CPA3: variants seen among roughly 807,000 people sequenced by gnomAD.
CPA3 encodes the protein carboxypeptidase A3.
A neutral mutation model predicts 55.8 loss-of-function variants in CPA3; 52 were observed. The observed-to-expected ratio is 0.93, with a 90% CI of 0.75 to 1.17. CPA3 has a LOEUF of 1.17. Ranked by LOEUF, CPA3 falls within the 50% of genes most tolerant of loss-of-function variation. The probability of loss-of-function intolerance (pLI) is 0.00; values close to 1 mark genes in which losing one functional copy is unlikely to be tolerated. For synonymous variants in CPA3, 179 were observed against 171.2 expected (o/e 1.05, Z -0.36); for missense variants, 547 against 509.1 (o/e 1.07, Z -0.72).
chr3:148,878,694 C>A lies in CPA3; in HGVS notation c.420C>A (p.Val140=). The change falls in exon 5 of 11, where the codon GTC becomes GTA. Residue 140 remains valine (V), a synonymous_variant. Coordinates refer to ENST00000296046, the MANE Select transcript of CPA3 (RefSeq NM_001870.4). ...EKMMDKYPEM[V]SRIKIGSTVE... is the part of the protein sequence containing the mutation. ...TGATGGATAAGTATCCTGAAATGGT[C>A]TCTCGTATTAAAATTGGATCTACTG... 7 of 1,612,186 alleles carry A rather than the reference C, an allele frequency of 4.3e-6. No individual in the cohort carries two copies. Among genetic ancestry groups the A allele is most frequent in the Non-Finnish European group, 5.9e-6 (7 of 1,178,910 alleles).
intron 10 of CPA3, among the ~76,000 whole-genome samples, chr3:148,888,883 A>G (rs1442754346): frequency 6.6e-6 from 1 of 152,228 alleles, no homozygotes; most frequent in Non-Finnish European, 1.5e-5. Flanking sequence ...GCTTTCAGAG[A>G]TAAATGAGAG....
At chr3:148,886,210 TC>T (rs1336409777) in intron 10 of CPA3, 33 bp downstream of exon 10, 1 of 1,433,374 alleles carries the variant, frequency 7.0e-7, no homozygotes, top group Non-Finnish European at 9.6e-7. Context: ...TGAGCCCTTT[TC>T]CCTAATTATT....
intron 2 of CPA3, 130 bp downstream of exon 2, chr3:148,865,678 A>G: frequency 1.2e-6 from 1 of 844,950 alleles, no homozygotes; most frequent in Non-Finnish European, 1.8e-6. Flanking sequence ...AGCTATCTGG[A>G]TAATTCAGCC....
In CPA3 at chr3:148,896,525, A is replaced by C; in HGVS notation, c.1072A>C (p.Ile358Leu). ...YGPIESTIYP[I>L]SGSSLDWAYD... ...TTACTGCTTGTGTTTTACAGACCCG[A>C]TATCAGGTTCTTCTTTAGACTGGGC... The change falls in exon 11 of 11, where the codon ATA (isoleucine) becomes CTA (leucine). Residue 358 changes from isoleucine (I) to leucine (L), a missense_variant. Transcript: ENST00000296046. The C allele has an allele frequency of 6.6e-7, 1 of 1,511,252 alleles. No individual in the cohort carries two copies. The highest frequency in any genetic ancestry group is 1.4e-5 in the African/African-American group (1 of 73,522). 93.6% of individuals were successfully genotyped at this position (1,511,252 alleles called of 1,614,324 possible).
intron 3 of CPA3, among the ~76,000 whole-genome samples, chr3:148,874,283 T>C (rs1425986467): frequency 6.6e-6 from 1 of 152,188 alleles, no homozygotes; most frequent in African/African-American, 2.4e-5. Flanking sequence ...TATTCTTAGA[T>C]ACAAGCTTCC....
intron 2 of CPA3, among the ~76,000 whole-genome samples, chr3:148,866,173 T>C (rs1016810805): frequency 2.0e-5 from 3 of 152,188 alleles, no homozygotes; most frequent in African/African-American, 7.2e-5. Flanking sequence ...AGAGCTAAAG[T>C]GCAAAGACAA....
In CPA3 at chr3:148,875,418, C is replaced by T. The variant is rs149989834; in HGVS notation, c.270-3023C>T. 1.2e-3 allele frequency among the ~76,000 whole-genome samples: 178 copies of T among 152,150 alleles called. 1 individual carries two copies. Among genetic ancestry groups the T allele is most frequent in the African/African-American group, 4.0e-3 (164 of 41,514 alleles). The stretch of plus-strand genomic sequence containing the variant: ...TTTCCATTATAACGATAATTTTCTG[C>T]CCTACAAAATAGAGTATATTGAATA... On this transcript the variant is annotated intron_variant, in intron 3 of 10. Coordinates refer to ENST00000296046, the MANE Select transcript of CPA3 (RefSeq NM_001870.4).
chr3:148,877,419 G>A (rs370932428), intron 3 of CPA3, among the ~76,000 whole-genome samples: 1 of 150,906 alleles, frequency 6.6e-6, no homozygotes, highest in Non-Finnish European at 1.5e-5. Flanking sequence ...ACTTGAACCC[G>A]GGAGGTGGAG....
intron 10 of CPA3, among the ~76,000 whole-genome samples, chr3:148,887,890 G>A (rs965970250): frequency 6.6e-6 from 1 of 152,098 alleles, no homozygotes; most frequent in African/African-American, 2.4e-5. Flanking sequence ...ATGGTGTCCT[G>A]GCTTATTCAA....
intron 2 of CPA3, among the ~76,000 whole-genome samples, chr3:148,867,445 A>G (rs537162949): frequency 6.6e-6 from 1 of 152,204 alleles, no homozygotes; most frequent in African/African-American, 2.4e-5. Context: ...TTCACATCTC[A>G]TAAGTCCCTT....
chr3:148,886,369 T>C (rs6784595), intron 10 of CPA3, among the ~76,000 whole-genome samples, 192 bp downstream of exon 10: 2,494 of 152,300 alleles, frequency 0.016, 27 homozygotes, highest in Middle Eastern at 0.044. Flanking sequence ...GATAAGATTT[T>C]TCTAGAAACA....
In CPA3 at chr3:148,868,919, A is replaced by T; in HGVS notation, c.149A>T (p.Asp50Val). 2 of 1,613,590 alleles carry T rather than the reference A, an allele frequency of 1.2e-6. 1 individual carries two copies. Among genetic ancestry groups the T allele is most frequent in the South Asian group, 2.2e-5 (2 of 91,006 alleles). ...ACATTGAGCTTATCTCTGCAGCTTG[A>T]CTTCTGGTATCCAGGTGCCACCCAC... ...IKDLAKTNEL[D>V]FWYPGATHHV... Residue 50 changes from aspartate (D) to valine (V), a missense_variant, in exon 3 of 11, where the codon GAC (aspartate) becomes GTC (valine). Transcript: ENST00000296046.
In CPA3 at chr3:148,865,488, C is replaced by T. The variant is rs140527015; in HGVS notation, c.84C>T (p.Arg28=). ...PVRFDREKVF[R]VKPQDEKQAD... ...CTCCACAAAGGGAGAAGGTGTTCCG[C>T]GTGAAGCCCCAGGATGAAAAACAAG... Residue 28 remains arginine, a synonymous_variant, in exon 2 of 11, where the codon CGC becomes CGT. Coordinates refer to ENST00000296046, the MANE Select transcript of CPA3 (RefSeq NM_001870.4). The T allele has an allele frequency of 4.4e-5, 71 of 1,613,626 alleles. No homozygotes were observed. The highest frequency in any genetic ancestry group is 6.7e-5 in the Admixed American group (4 of 59,968).
chr3:148,865,599 G>A (rs1314283339), intron 2 of CPA3, 51 bp downstream of exon 2: 1 of 1,496,792 alleles, frequency 6.7e-7, no homozygotes, highest in African/African-American at 1.4e-5. Context: ...TCTAAAAGAT[G>A]CTTCTTCTTA....
At chr3:148,885,984 T>G (rs1416417536) in intron 9 of CPA3, 109 bp from the exon 10 acceptor site, 3 of 741,212 alleles carry the variant, frequency 4.0e-6, no homozygotes, top group Non-Finnish European at 7.1e-6. Flanking sequence ...ATAAGCACAG[T>G]GCCTAACCTG....
chr3:148,888,620 A>G (rs1313419403), intron 10 of CPA3, among the ~76,000 whole-genome samples: 2 of 152,272 alleles, frequency 1.3e-5, no homozygotes, highest in Non-Finnish European at 2.9e-5. Flanking sequence ...TAGCAGGGCC[A>G]GATTGGCCAC....
At chr3:148,888,782 T>A (rs1470112796) in intron 10 of CPA3, among the ~76,000 whole-genome samples, 1 of 152,210 alleles carries the variant, frequency 6.6e-6, no homozygotes, top group African/African-American at 2.4e-5. Context: ...CACAAAAGTA[T>A]GAGAATACAG....
intron 10 of CPA3, among the ~76,000 whole-genome samples, chr3:148,888,908 T>A (rs886355812): frequency 6.6e-6 from 1 of 152,142 alleles, no homozygotes; most frequent in African/African-American, 2.4e-5. Flanking sequence ...TAGGACACAA[T>A]AAACTACTCT....
At chr3:148,882,664 C>A in intron 8 of CPA3, 69 bp downstream of exon 8, 1 of 1,186,450 alleles carries the variant, frequency 8.4e-7, no homozygotes, top group Non-Finnish European at 1.2e-6. Context: ...TTAACTAAAA[C>A]ACCTACTTGT....
Sources: gnomAD v4.1 joint callset for allele counts (sites outside exome capture counted in the v4.1 genomes callset) on GRCh38, gnomAD v4.1.1 for gene constraint, MANE v1.5 for transcripts, NCBI Gene and HGNC (gene_info 2026-07-23, HGNC 2026-07-21) for gene names.